Variants in ESR2 observed in about 807,000 individuals in gnomAD.
ESR2 encodes the protein estrogen receptor 2.
In ESR2, 36 loss-of-function variants were observed where a neutral mutation model predicts 49.6. The observed-to-expected ratio is 0.73, with a 90% CI of 0.56 to 0.96. ESR2 has a LOEUF of 0.96. Ranked by LOEUF, ESR2 falls within the 40% of genes least tolerant of loss-of-function variation. The probability of loss-of-function intolerance (pLI) is 0.00; values close to 1 mark genes in which losing one functional copy is unlikely to be tolerated. For missense variants in ESR2, 714 were observed against 693.0 expected, an observed-to-expected ratio of 1.03 and a Z score of -0.34; for synonymous variants, 320 against 266.1, an observed-to-expected ratio of 1.20 and a Z score of -1.97.
chr14:64,303,902 C>G (rs1223629158), intron 1 of ESR2, among the ~76,000 whole-genome samples: 2 of 152,140 alleles, frequency 1.3e-5, no homozygotes, highest in African/African-American at 4.8e-5. Context: ...AGAAGAAAAT[C>G]AGAGTGCAGA....
chr14:64,236,262 C>T (rs1425446329), intron 7 of ESR2, among the ~76,000 whole-genome samples: 1 of 152,166 alleles, frequency 6.6e-6, no homozygotes, highest in African/African-American at 2.4e-5. Flanking sequence ...TCTGATGATA[C>T]GAATTTAAAA....
intron 4 of ESR2, among the ~76,000 whole-genome samples, 157 bp from the exon 5 acceptor site, chr14:64,260,905 C>T (rs1421027291): frequency 6.6e-6 from 1 of 152,164 alleles, no homozygotes; most frequent in Non-Finnish European, 1.5e-5. Flanking sequence ...TTTTCAGAAA[C>T]TTTTTAGGTC....
intron 7 of ESR2, among the ~76,000 whole-genome samples, chr14:64,238,780 A>G (rs1340763913): frequency 6.6e-6 from 1 of 152,096 alleles, no homozygotes; most frequent in Admixed American, 6.5e-5. Context: ...AAAAAAACCA[A>G]GATCTTGGCA....
At chr14:64,249,255 A>G (rs575489316) in intron 7 of ESR2, among the ~76,000 whole-genome samples, 1 of 152,320 alleles carries the variant, frequency 6.6e-6, no homozygotes, top group African/African-American at 2.4e-5. Context: ...TGAGCACTGA[A>G]AAAAGTTTAA....
rs1382169465 is a variant in ESR2, at chr14:64,228,960, G to GTA, written c.*4175_*4176dup. Among the ~76,000 whole-genome samples the GTA allele has an allele frequency of 6.6e-6, 1 of 152,184 alleles. No homozygotes were observed. Among genetic ancestry groups the GTA allele is most frequent in the African/African-American group, 2.4e-5 (1 of 41,444 alleles). On this transcript the variant is annotated 3_prime_UTR_variant, in exon 9 of 9. Coordinates refer to ENST00000341099, the MANE Select transcript of ESR2 (RefSeq NM_001437.3). ...AAGTGGCACGTGTTTTCACACTGTA[G>GTA]TATATCACACTCCACAGGGAAGCAG...
upstream of ESR2, chr14:64,297,689 A>G (rs2076974631): frequency 6.6e-6 from 1 of 152,222 alleles, no homozygotes; most frequent in African/African-American, 2.4e-5. Context: ...TTTCCGTAGG[A>G]AAGAAACTAC....
At chr14:64,284,954 A>T (rs1424596161) in intron 1 of ESR2, among the ~76,000 whole-genome samples, 1 of 151,156 alleles carries the variant, frequency 6.6e-6, no homozygotes, top group Non-Finnish European at 1.5e-5. Flanking sequence ...GGTTCAAGCG[A>T]TTCTTCTGCC....
intron 3 of ESR2, among the ~76,000 whole-genome samples, chr14:64,272,254 T>A (rs1369771409): frequency 6.6e-6 from 1 of 152,240 alleles, no homozygotes; most frequent in African/African-American, 2.4e-5. Flanking sequence ...GATTTTTAAG[T>A]TTTTTTGTAG....
chr14:64,271,470 C>T (rs577653569), intron 3 of ESR2, among the ~76,000 whole-genome samples: 18 of 152,172 alleles, frequency 1.2e-4, no homozygotes, highest in Admixed American at 2.6e-4. Flanking sequence ...GGACTACAGG[C>T]GCATGCCGCC....
intron 1 of ESR2, among the ~76,000 whole-genome samples, chr14:64,321,639 C>T (rs1322511686): frequency 6.6e-6 from 1 of 152,118 alleles, no homozygotes. Context: ...ATCTTCTGCA[C>T]CTAAGATCCA....
intron 1 of ESR2, among the ~76,000 whole-genome samples, chr14:64,309,103 T>A (rs2140878376): frequency 6.6e-6 from 1 of 152,314 alleles, no homozygotes; most frequent in African/African-American, 2.4e-5. Flanking sequence ...AATGTGCAGT[T>A]GTTGTTCAGT....
At chr14:64,239,482 T>G (rs1181583734) in intron 7 of ESR2, among the ~76,000 whole-genome samples, 4 of 152,240 alleles carry the variant, frequency 2.6e-5, no homozygotes, top group Admixed American at 2.6e-4. Flanking sequence ...TAAAACTGTT[T>G]AAATAGACTT....
intron 7 of ESR2, among the ~76,000 whole-genome samples, chr14:64,240,032 G>A (rs941773603): frequency 3.9e-5 from 6 of 152,208 alleles, no homozygotes; most frequent in Non-Finnish European, 5.9e-5. Flanking sequence ...CAGAAACTGA[G>A]CTGAAATTTA....
At chr14:64,227,432 T>C, downstream of ESR2, 1 of 1,373,086 alleles carries the variant, frequency 7.3e-7, no homozygotes, top group Non-Finnish European at 1.0e-6. Flanking sequence ...TAACTCTTTC[T>C]TTAAAATTAT....
At chr14:64,258,630 A>G (rs1336371789) in intron 5 of ESR2, among the ~76,000 whole-genome samples, 4 of 152,222 alleles carry the variant, frequency 2.6e-5, no homozygotes, top group African/African-American at 9.6e-5. Flanking sequence ...CACATGGTTC[A>G]AGTCTTTGAA....
intron 7 of ESR2, among the ~76,000 whole-genome samples, chr14:64,248,505 C>CAAAAAAAAAAAAAAAAAAAA (rs56108535): frequency 1.1e-5 from 1 of 87,264 alleles, no homozygotes; most frequent in Non-Finnish European, 2.2e-5. Flanking sequence ...GATCCTGTCT[C>CAAAAAAAAAAAAAAAAAAAA]AAAAAAAAAA....
At chr14:64,233,894 G>A (rs1184497379) in intron 8 of ESR2, 1 of 152,664 alleles carries the variant, frequency 6.6e-6, no homozygotes, top group African/African-American at 2.4e-5. Flanking sequence ...CCACACCAGG[G>A]GGGCATTTTA....
At chr14:64,332,181 A>G (rs2140908068) in intron 1 of ESR2, 1 of 152,344 alleles carries the variant, frequency 6.6e-6, no homozygotes, top group African/African-American at 2.4e-5. Context: ...TATTTCAGAC[A>G]ATATCTGCAC....
intron 7 of ESR2, among the ~76,000 whole-genome samples, chr14:64,244,031 T>C (rs953592): frequency 0.045 from 6,870 of 152,258 alleles, 517 homozygotes; most frequent in East Asian, 0.37. Context: ...GATAAAGGGA[T>C]ACCCAGATAG....
Sources: allele counts gnomAD v4.1 joint callset (sites outside exome capture counted in the v4.1 genomes callset), GRCh38; gene constraint gnomAD v4.1.1; transcripts MANE v1.5; gene names NCBI Gene and HGNC (gene_info 2026-07-23, HGNC 2026-07-21).